CCSER1: variants seen among roughly 807,000 people sequenced by gnomAD.
CCSER1 encodes the protein serine-rich coiled-coil domain-containing protein 1.
In CCSER1, 41 loss-of-function variants were observed where a neutral mutation model predicts 82.0. The ratio of observed to expected loss-of-function variants is 0.50; its 90% confidence interval spans 0.39 to 0.65. CCSER1 has a LOEUF of 0.65. CCSER1 is among the 30% of genes least tolerant of loss of function. The pLI, the probability that CCSER1 is intolerant of heterozygous loss-of-function variation, is 0.00. For missense variants in CCSER1, 1,119 were observed against 1,064.2 expected, an observed-to-expected ratio of 1.05 and a Z score of -0.72; for synonymous variants, 414 against 383.9, an observed-to-expected ratio of 1.08 and a Z score of -0.92.
chr4:91,050,145 A>G (rs987257384), intron 9 of CCSER1, among the ~76,000 whole-genome samples: 5 of 152,196 alleles, frequency 3.3e-5, no homozygotes, highest in Non-Finnish European at 7.4e-5. Flanking sequence ...AAATGCATAC[A>G]CTAGGCCAGG....
chr4:91,229,957 A>T (rs1738495945), intron 10 of CCSER1, among the ~76,000 whole-genome samples: 1 of 152,150 alleles, frequency 6.6e-6, no homozygotes, highest in Non-Finnish European at 1.5e-5. Flanking sequence ...CCTATGTAAC[A>T]AATTTGCCCA....
chr4:90,302,386 T>C (rs1733317355), intron 1 of CCSER1, among the ~76,000 whole-genome samples: 1 of 152,056 alleles, frequency 6.6e-6, no homozygotes. Context: ...GTGTCAGGGA[T>C]GGCAACTTGG....
intron 10 of CCSER1, among the ~76,000 whole-genome samples, chr4:91,235,759 C>T (rs577471600): frequency 2.0e-5 from 3 of 151,852 alleles, no homozygotes; most frequent in South Asian, 2.1e-4. Context: ...AATGTGTGTT[C>T]ATTTGATGAC....
intron 10 of CCSER1, among the ~76,000 whole-genome samples, chr4:91,394,921 A>G (rs577497970): frequency 6.6e-6 from 1 of 152,112 alleles, no homozygotes; most frequent in South Asian, 2.1e-4. Flanking sequence ...ATAAATTAAG[A>G]AAGCTATATA....
rs80151382 is a variant in CCSER1 at position 91,076,826 on chromosome 4, A to G, written c.2173-9124A>G. Among the ~76,000 whole-genome samples, 400 of 152,302 alleles carry G rather than the reference A, an allele frequency of 2.6e-3. 3 individuals carry two copies. Among genetic ancestry groups the G allele is most frequent in the African/African-American group, 9.3e-3 (386 of 41,566 alleles). On this transcript the variant is annotated intron_variant, in intron 9 of 10. Transcript: ENST00000509176. ...CTGGAGGCAATTTTTAGACCATGGT[A>G]CATGGTACATGGAGGAACAGCCTAA... is the stretch of plus-strand genomic sequence containing the variant.
intron 4 of CCSER1, among the ~76,000 whole-genome samples, chr4:90,436,427 T>C (rs1265532722): frequency 1.3e-5 from 2 of 152,218 alleles, no homozygotes; most frequent in Non-Finnish European, 2.9e-5. Flanking sequence ...TTAGCAGTGA[T>C]GTAAATATTG....
chr4:91,571,046 G>A (rs1763151958), intron 10 of CCSER1, among the ~76,000 whole-genome samples: 1 of 152,114 alleles, frequency 6.6e-6, no homozygotes, highest in Non-Finnish European at 1.5e-5. Flanking sequence ...TTAATAAAGT[G>A]TAGCAAGAGT....
At chr4:90,920,083 G>A (rs997145161) in intron 8 of CCSER1, among the ~76,000 whole-genome samples, 1 of 151,814 alleles carries the variant, frequency 6.6e-6, no homozygotes, top group Admixed American at 6.6e-5. Context: ...GAATGACAAT[G>A]TCTGCTTACA....
intron 10 of CCSER1, among the ~76,000 whole-genome samples, chr4:91,411,684 G>C (rs942986628): frequency 3.3e-5 from 5 of 149,662 alleles, no homozygotes; most frequent in Non-Finnish European, 5.9e-5. Context: ...AGTCCTTTGA[G>C]AGTTTGAGAA....
intron 4 of CCSER1, among the ~76,000 whole-genome samples, chr4:90,467,104 T>A (rs926652959): frequency 6.6e-6 from 1 of 152,092 alleles, no homozygotes; most frequent in African/African-American, 2.4e-5. Flanking sequence ...AGAATATGCG[T>A]GGGCCGGGTG....
chr4:90,903,355 C>A (rs1027278107), intron 8 of CCSER1, among the ~76,000 whole-genome samples: 1 of 152,086 alleles, frequency 6.6e-6, no homozygotes, highest in Admixed American at 6.5e-5. Flanking sequence ...CTCTTGCCAC[C>A]ACTATGTAAG....
chr4:90,435,499 A>G (rs932725544), intron 4 of CCSER1, among the ~76,000 whole-genome samples: 2 of 152,156 alleles, frequency 1.3e-5, no homozygotes, highest in African/African-American at 2.4e-5. Flanking sequence ...CTATTGATAA[A>G]TTCTGTGGAA....
chr4:90,986,960 T>G (rs895158485), intron 9 of CCSER1, among the ~76,000 whole-genome samples: 1 of 151,574 alleles, frequency 6.6e-6, no homozygotes, highest in African/African-American at 2.4e-5. Flanking sequence ...TTTATGGACC[T>G]CGGGTTAGAC....
chr4:90,947,905 G>A (rs1732452278), intron 9 of CCSER1, among the ~76,000 whole-genome samples: 1 of 152,002 alleles, frequency 6.6e-6, no homozygotes, highest in Non-Finnish European at 1.5e-5. Context: ...TTTTTTCTCT[G>A]TGCTAACTTA....
chr4:91,066,952 T>G (rs1467737117), intron 9 of CCSER1, among the ~76,000 whole-genome samples: 1 of 151,630 alleles, frequency 6.6e-6, no homozygotes, highest in Non-Finnish European at 1.5e-5. Flanking sequence ...GATCACGAGG[T>G]CAGGAGATCA....
chr4:90,967,994 A>G (rs904205310), intron 9 of CCSER1, among the ~76,000 whole-genome samples: 1 of 152,028 alleles, frequency 6.6e-6, no homozygotes, highest in Non-Finnish European at 1.5e-5. Flanking sequence ...TTAATCCATG[A>G]TTTCTCTAAC....
At chr4:90,880,840 CT>C (rs1721196178) in intron 8 of CCSER1, among the ~76,000 whole-genome samples, 2 of 151,994 alleles carry the variant, frequency 1.3e-5, no homozygotes. Flanking sequence ...GTTACTTTGT[CT>C]CTGTGTCATG....
intron 10 of CCSER1, among the ~76,000 whole-genome samples, chr4:91,169,825 C>A (rs1431239622): frequency 2.6e-5 from 4 of 151,888 alleles, no homozygotes; most frequent in Non-Finnish European, 4.4e-5. Flanking sequence ...GGTCCTGTGG[C>A]AGAAACTGCT....
intron 5 of CCSER1, among the ~76,000 whole-genome samples, chr4:90,605,175 C>T (rs567879981): frequency 2.0e-5 from 3 of 152,216 alleles, no homozygotes. Context: ...ACTCCCGATA[C>T]GTTGGAACAT....
Sources: allele counts gnomAD v4.1 joint callset (sites outside exome capture counted in the v4.1 genomes callset), GRCh38; gene constraint gnomAD v4.1.1; transcripts MANE v1.5; gene names NCBI Gene and HGNC (gene_info 2026-07-23, HGNC 2026-07-21).